DCT: variants seen among roughly 807,000 people sequenced by gnomAD.
DCT encodes the protein L-dopachrome tautomerase.
A neutral mutation model predicts 53.0 loss-of-function variants in DCT; 47 were observed. The observed-to-expected ratio is 0.89, with a 90% CI of 0.70 to 1.13. The LOEUF is 1.13. DCT is among the 50% of genes most tolerant of loss of function. The pLI is 0.00. For synonymous variants in DCT, 244 were observed against 237.0 expected (o/e 1.03, Z -0.27); for missense variants, 669 against 637.4 (o/e 1.05, Z -0.53).
At position 94,458,541 on chromosome 13, in the gene DCT, C is replaced by T. The variant is rs957271264; in HGVS notation, c.1179+1550G>A. ...ACTAAAGACTGGGCCCAGTGGTTCA[C>T]GCCTGTAATCCCAGGACTTTGGGAG... On this transcript the variant is annotated intron_variant, in intron 6 of 7. Coordinates refer to ENST00000377028, the MANE Select transcript of DCT (RefSeq NM_001922.5). Among the ~76,000 whole-genome samples the T allele has an allele frequency of 2.0e-5, 3 of 152,072 alleles. No homozygotes were observed. The South Asian group carries it at 6.2e-4, about 32-fold the overall frequency.
At chr13:94,494,946 CCT>C in the DCT span, among the ~76,000 whole-genome samples, 3 of 151,766 alleles carry the variant, frequency 2.0e-5, no homozygotes, top group African/African-American at 7.3e-5. Context: ...ATTTAATTTC[CCT>C]GTTTTTGAAT....
chr13:94,546,291 G>A, the DCT span, among the ~76,000 whole-genome samples: 1 of 152,074 alleles, frequency 6.6e-6, no homozygotes, highest in Non-Finnish European at 1.5e-5. This position sits in a 1 kb window ranked among gnomAD's most constrained non-coding sequence, Gnocchi z 4.2. Context: ...GCATTTACAT[G>A]CGTCAATCCT....
chr13:94,522,925 G>A, the DCT span, among the ~76,000 whole-genome samples: 1 of 152,214 alleles, frequency 6.6e-6, no homozygotes, highest in East Asian at 1.9e-4. Context: ...CCATGCAGTG[G>A]TGAGTGTGTG....
At chr13:94,547,905 C>A in the DCT span, among the ~76,000 whole-genome samples, 1 of 145,700 alleles carries the variant, frequency 6.9e-6, no homozygotes, top group African/African-American at 2.6e-5. Context: ...CAGGACACTC[C>A]CTTGAACCTG....
chr13:94,475,802 T>C (rs768955655), intron 1 of DCT, among the ~76,000 whole-genome samples: 6 of 152,250 alleles, frequency 3.9e-5, no homozygotes, highest in Non-Finnish European at 8.8e-5. Context: ...AACACCATAT[T>C]GTGCACGTTA....
At chr13:94,491,823 T>C in the DCT span, among the ~76,000 whole-genome samples, 1 of 152,316 alleles carries the variant, frequency 6.6e-6, no homozygotes, top group Admixed American at 6.5e-5. Flanking sequence ...CAATCAGTAC[T>C]GGATCTCCTC....
At chr13:94,521,989 A>C in the DCT span, among the ~76,000 whole-genome samples, 1 of 152,250 alleles carries the variant, frequency 6.6e-6, no homozygotes. Flanking sequence ...GGAACCATAT[A>C]ATACATAGTC....
chr13:94,499,973 A>G, the DCT span, among the ~76,000 whole-genome samples: 1 of 152,236 alleles, frequency 6.6e-6, no homozygotes, highest in Non-Finnish European at 1.5e-5. Context: ...TAATCAAGCT[A>G]ATTAACATAT....
intron 6 of DCT, among the ~76,000 whole-genome samples, chr13:94,453,411 A>G (rs1883220884): frequency 6.6e-6 from 1 of 152,232 alleles, no homozygotes; most frequent in Admixed American, 6.5e-5. Context: ...TATAAATAAT[A>G]TAAAAATCAT....
In DCT at chr13:94,443,445, C is replaced by A; in HGVS notation, c.1372G>T (p.Asp458Tyr). 1 of 1,612,384 alleles carries A rather than the reference C, an allele frequency of 6.2e-7. No individual in the cohort carries two copies. The highest frequency in any genetic ancestry group is 1.1e-5 in the South Asian group (1 of 91,046). ...SDQLGYSYAI[D>Y]LPVSVEETPG... Reference sequence around the variant, plus strand: ...AAGTTGTGTTAGTTACCTGGCAGATCGATGGCATAGCTGTAGCCAAGTTGG... The same window carrying A: ...AAGTTGTGTTAGTTACCTGGCAGATAGATGGCATAGCTGTAGCCAAGTTGG... The change falls in exon 7 of 8, where the codon GAT becomes TAT. Residue 458 changes from aspartate (D) to tyrosine (Y), a missense_variant. By Grantham distance (160) the Asp-to-Tyr change is radical. Transcript: ENST00000377028.
the DCT span, among the ~76,000 whole-genome samples, chr13:94,506,586 A>G: frequency 2.6e-5 from 4 of 152,262 alleles, no homozygotes; most frequent in African/African-American, 7.2e-5. Flanking sequence ...GAATTTAATT[A>G]GTAAATATAG....
chr13:94,541,319 C>A, the DCT span, among the ~76,000 whole-genome samples: 1 of 152,034 alleles, frequency 6.6e-6, no homozygotes, highest in Non-Finnish European at 1.5e-5. Flanking sequence ...GCCTGGCCAA[C>A]ATGCTGAAAC....
upstream of DCT, among the ~76,000 whole-genome samples, chr13:94,484,368 A>C (rs1885574583): frequency 1.3e-5 from 2 of 152,242 alleles, no homozygotes. Context: ...CTGCATTTGA[A>C]ATCAACTTAA....
the DCT span, among the ~76,000 whole-genome samples, chr13:94,488,548 TACAAA>T: frequency 6.6e-6 from 1 of 152,006 alleles, no homozygotes; most frequent in South Asian, 2.1e-4. Context: ...AACCTATTTC[TACAAA>T]AAATACAAAA....
the DCT span, among the ~76,000 whole-genome samples, chr13:94,523,186 C>A: frequency 1.2e-4 from 19 of 152,218 alleles, no homozygotes; most frequent in Non-Finnish European, 2.4e-4. Context: ...GAAGCTCCAT[C>A]TTGGGATGCT....
At chr13:94,448,605 T>C (rs900515999) in intron 6 of DCT, among the ~76,000 whole-genome samples, 2 of 152,112 alleles carry the variant, frequency 1.3e-5, no homozygotes, top group South Asian at 4.1e-4. Context: ...AAAAGTTAAA[T>C]GAAAGTGTAT....
the DCT span, among the ~76,000 whole-genome samples, chr13:94,547,984 A>AAATATATAT: frequency 1.6e-3 from 108 of 65,834 alleles, 2 homozygotes; most frequent in African/African-American, 0.012. Context: ...AAAAAAAAAA[A>AAATATATAT]ATATATATAT....
At chr13:94,477,270 A>G (rs893799673) in intron 1 of DCT, among the ~76,000 whole-genome samples, 1 of 151,986 alleles carries the variant, frequency 6.6e-6, no homozygotes, top group Non-Finnish European at 1.5e-5. Flanking sequence ...TAATTTTTGT[A>G]TTTTTAGTAG....
the DCT span, among the ~76,000 whole-genome samples, chr13:94,527,270 G>T: frequency 3.9e-5 from 6 of 152,232 alleles, no homozygotes; most frequent in Non-Finnish European, 8.8e-5. Flanking sequence ...GCTCTGAAGA[G>T]AGCAGTGGTT....
Sources: allele counts gnomAD v4.1 joint callset (sites outside exome capture counted in the v4.1 genomes callset), GRCh38; gene constraint gnomAD v4.1.1; non-coding constraint Gnocchi (gnomAD v3.1); transcripts MANE v1.5; gene names NCBI Gene and HGNC (gene_info 2026-07-23, HGNC 2026-07-21).